The following SND1 variants were observed in gnomAD, a reference collection of about 807,000 sequenced individuals.
SND1 encodes the protein staphylococcal nuclease domain-containing protein 1.
Under a neutral mutation model 121.7 loss-of-function variants are expected in SND1, and 38 were observed. That is an observed-to-expected ratio of 0.31 (90% CI 0.24 to 0.41). The LOEUF is 0.41. SND1 is among the 10% of genes least tolerant of loss of function. The pLI is 1.00. For missense variants in SND1, 868 were observed against 1,184.6 expected (o/e 0.73, Z 3.92); for synonymous variants, 401 against 447.4 (o/e 0.90, Z 1.31).
intron 12 of SND1, among the ~76,000 whole-genome samples, chr7:127,871,030 G>A (rs1375840710): frequency 6.6e-6 from 1 of 151,946 alleles, no homozygotes; most frequent in Non-Finnish European, 1.5e-5. Flanking sequence ...TTGTTGAAAA[G>A]TAAGACACAA....
chr7:127,699,553 T>C (rs1796067072), intron 4 of SND1, among the ~76,000 whole-genome samples: 1 of 152,234 alleles, frequency 6.6e-6, no homozygotes, highest in Non-Finnish European at 1.5e-5. Context: ...GTTGTTTATG[T>C]ATCTGTAGTT....
chr7:127,735,638 T>TG (rs1307464291), intron 10 of SND1, among the ~76,000 whole-genome samples: 8 of 152,118 alleles, frequency 5.3e-5, no homozygotes, highest in South Asian at 2.1e-4. Flanking sequence ...TTGTTGTTGT[T>TG]TTTTTGGAGA....
intron 3 of SND1, among the ~76,000 whole-genome samples, chr7:127,696,764 A>G (rs889148250): frequency 6.6e-6 from 1 of 152,198 alleles, no homozygotes; most frequent in Non-Finnish European, 1.5e-5. Context: ...GTTGTTTTTT[A>G]AAAGTTTACT....
intron 15 of SND1, among the ~76,000 whole-genome samples, chr7:127,971,542 G>T (rs537123922): frequency 7.9e-5 from 12 of 152,068 alleles, no homozygotes; most frequent in Non-Finnish European, 1.2e-4. Flanking sequence ...AGAGTACAAG[G>T]TAATCTTCTC....
At chr7:127,702,675 AG>A in intron 6 of SND1, 149 bp downstream of exon 6, 1 of 651,784 alleles carries the variant, frequency 1.5e-6, no homozygotes, top group South Asian at 1.8e-5. Context: ...TAAACTTTGT[AG>A]TACGACAGTT....
chr7:127,920,365 T>C (rs1037516187), intron 14 of SND1, among the ~76,000 whole-genome samples: 8 of 152,148 alleles, frequency 5.3e-5, no homozygotes, highest in African/African-American at 1.7e-4. Flanking sequence ...TGCCAGAGTC[T>C]TGGTCAAGGG....
intron 12 of SND1, among the ~76,000 whole-genome samples, chr7:127,857,644 A>G (rs1208319327): frequency 1.3e-5 from 2 of 151,772 alleles, no homozygotes; most frequent in African/African-American, 4.8e-5. Flanking sequence ...ACACTCAGGG[A>G]CCAAGGCGAG....
intron 14 of SND1, among the ~76,000 whole-genome samples, chr7:127,910,447 A>G (rs1384149873): frequency 6.6e-6 from 1 of 152,104 alleles, no homozygotes; most frequent in African/African-American, 2.4e-5. Context: ...TCCATCTCAA[A>G]AAAAAAGAGA....
intron 1 of SND1, among the ~76,000 whole-genome samples, chr7:127,685,086 G>C (rs1053458505): frequency 2.6e-5 from 4 of 152,116 alleles, no homozygotes; most frequent in African/African-American, 9.7e-5. Flanking sequence ...CAAGGTTCTG[G>C]CAATGTGCAG....
intron 9 of SND1, among the ~76,000 whole-genome samples, chr7:127,711,998 TCTC>T (rs1337573254): frequency 6.7e-6 from 1 of 150,134 alleles, no homozygotes; most frequent in African/African-American, 2.5e-5. Flanking sequence ...TCTTCAAGCC[TCTC>T]CTCTCCCCTT....
At chr7:127,908,657 A>G (rs1341281259) in intron 14 of SND1, among the ~76,000 whole-genome samples, 1 of 152,070 alleles carries the variant, frequency 6.6e-6, no homozygotes, top group Non-Finnish European at 1.5e-5. Flanking sequence ...TTCTGTGGTG[A>G]CTGACTTCAT....
At chr7:128,056,811 T>C in intron 16 of SND1, among the ~76,000 whole-genome samples, 1 of 152,320 alleles carries the variant, frequency 6.6e-6, no homozygotes, top group Middle Eastern at 3.4e-3. Flanking sequence ...ATATAATTTA[T>C]ACATAAGGTA....
chr7:128,029,532 G>A lies in SND1; in HGVS notation c.1779+38476G>A. 6.2e-7 allele frequency: 1 copy of A among 1,614,050 alleles called. No individual in the cohort carries two copies. On this transcript the variant is annotated intron_variant, in intron 16 of 23. Transcript: ENST00000354725. This position sits in a 1 kb window ranked among gnomAD's most constrained non-coding sequence, Gnocchi z 4.2. ...AGGGGGAGTCCGACACTTAAGTTCT[G>A]CCATCCGACCCTCAGAAATGTTGAG... is the stretch of plus-strand genomic sequence containing the variant.
chr7:127,748,488 A>G (rs1173680391), intron 10 of SND1, among the ~76,000 whole-genome samples: 3 of 152,220 alleles, frequency 2.0e-5, no homozygotes, highest in African/African-American at 4.8e-5. Context: ...TTTAAAATCA[A>G]GATACCCTAA....
chr7:127,890,268 G>C (rs948295367), intron 13 of SND1, among the ~76,000 whole-genome samples: 4 of 152,084 alleles, frequency 2.6e-5, no homozygotes, highest in East Asian at 1.9e-4. Flanking sequence ...GCATTTCTCT[G>C]ATGATCAGTG....
intron 16 of SND1, chr7:128,028,628 T>C (rs1803551314): frequency 1.3e-6 from 2 of 1,529,366 alleles, no homozygotes; most frequent in African/African-American, 1.4e-5. Context: ...CAAAAGTTGC[T>C]GTCTTTGTGT....
intron 11 of SND1, among the ~76,000 whole-genome samples, chr7:127,811,797 C>T (rs35640048): frequency 6.6e-6 from 1 of 152,110 alleles, no homozygotes; most frequent in Non-Finnish European, 1.5e-5. Flanking sequence ...ATAAAATATT[C>T]TAAATGTCTA....
chr7:127,735,168 A>G (rs1796751929), intron 10 of SND1, among the ~76,000 whole-genome samples: 1 of 152,064 alleles, frequency 6.6e-6, no homozygotes, highest in Non-Finnish European at 1.5e-5. Context: ...TGGTAAGTGG[A>G]GGAACCAGGA....
chr7:128,028,587 T>C, intron 16 of SND1: 1 of 1,186,488 alleles, frequency 8.4e-7, no homozygotes, highest in Non-Finnish European at 1.2e-6. Context: ...TATATAAGCA[T>C]ATACAAGAAA....
Sources: allele counts gnomAD v4.1 joint callset (sites outside exome capture counted in the v4.1 genomes callset), GRCh38; gene constraint gnomAD v4.1.1; non-coding constraint Gnocchi (gnomAD v3.1); transcripts MANE v1.5; gene names NCBI Gene and HGNC (gene_info 2026-07-23, HGNC 2026-07-21).